Variants in SCP2 observed in about 807,000 individuals in gnomAD.
SCP2 encodes the protein SCP-2/3-oxoacyl-CoA thiolase.
SCP2 carries 48 observed loss-of-function variants against 71.4 expected under a neutral mutation model. The ratio of observed to expected loss-of-function variants is 0.67; its 90% CI spans 0.53 to 0.86. The LOEUF is 0.86. Ranked by LOEUF, SCP2 falls within the 40% of genes least tolerant of loss-of-function variation. SCP2 has a pLI of 0.00. For missense variants in SCP2, 560 were observed against 655.6 expected (o/e 0.85, Z 1.59); for synonymous variants, 220 against 218.1 (o/e 1.01, Z -0.08).
intron 10 of SCP2, among the ~76,000 whole-genome samples, chr1:52,983,540 T>G (rs752891006): frequency 6.6e-6 from 1 of 152,344 alleles, no homozygotes; most frequent in Admixed American, 6.5e-5. Flanking sequence ...CATTTGATAA[T>G]TTATGTTGAT....
At chr1:53,045,805 A>G (rs778608401) in intron 14 of SCP2, among the ~76,000 whole-genome samples, 1 of 152,212 alleles carries the variant, frequency 6.6e-6, no homozygotes, top group South Asian at 2.1e-4. Context: ...CCAGAAATCA[A>G]GATACAGACA....
chr1:52,999,815 G>GTTTTTTTTTTTTTTTTTTTT lies in SCP2; in HGVS notation c.1081+11698_1081+11699insTTTTTTTTTTTTTTTTTTTT, dbSNP rs60893788. Among the ~76,000 whole-genome samples, 4 of 109,420 alleles carry GTTTTTTTTTTTTTTTTTTTT rather than the reference G, an allele frequency of 3.7e-5. 1 individual carries two copies. Among genetic ancestry groups the GTTTTTTTTTTTTTTTTTTTT allele is most frequent in the East Asian group, 6.0e-4 (2 of 3,310 alleles). 71.8% of individuals were successfully genotyped at this position (109,420 alleles called of 152,430 possible). ...ACTATCCAACACTTACTGAACACTT[G>GTTTTTTTTTTTTTTTTTTTT]TTTTTTTTTTTTTTTTTTTGAGACA... On this transcript the variant is annotated intron_variant, in intron 11 of 15. Transcript: ENST00000371514.
At chr1:52,966,694 G>T (rs1161912772) in intron 6 of SCP2, among the ~76,000 whole-genome samples, 1 of 148,584 alleles carries the variant, frequency 6.7e-6, no homozygotes, top group African/African-American at 2.5e-5. Context: ...GACCAGCCTG[G>T]CCAACATGGC....
In SCP2 at chr1:52,988,103, C is replaced by A; in HGVS notation, c.1048C>A (p.Leu350Met). ...GTGGGTCATAAATCCTAGTGGTGGACTGATTTCAAAGGGACACCCACTAGG... is the reference window on the plus strand; with the variant it reads ...GTGGGTCATAAATCCTAGTGGTGGAATGATTTCAAAGGGACACCCACTAGG... ...GKWVINPSGG[L>M]ISKGHPLGAT... The change falls in exon 11 of 16, where the codon CTG becomes ATG. Residue 350 changes from leucine to methionine, a missense_variant. By Grantham distance (15) the Leu-to-Met change is conservative (BLOSUM62 2). This residue lies in a region of SCP2 where 513 missense variants were observed against 573.1 expected (regional missense o/e 0.90). Transcript: ENST00000371514. 1 of 1,600,412 alleles carries A rather than the reference C, an allele frequency of 6.2e-7. No individual in the cohort carries two copies. Among genetic ancestry groups the A allele is most frequent in the Non-Finnish European group, 8.6e-7 (1 of 1,167,810 alleles).
chr1:52,962,520 G>T (rs978518637), intron 6 of SCP2, among the ~76,000 whole-genome samples: 1 of 152,054 alleles, frequency 6.6e-6, no homozygotes, highest in African/African-American at 2.4e-5. Context: ...ATGACATTCA[G>T]ATTGAAACCC....
At chr1:52,959,893 A>ATTT (rs762724510) in intron 5 of SCP2, among the ~76,000 whole-genome samples, 4 of 139,844 alleles carry the variant, frequency 2.9e-5, no homozygotes, top group African/African-American at 5.2e-5. Flanking sequence ...CTGATTTTCA[A>ATTT]TTTTTTTTTT....
chr1:52,960,549 C>T (rs1199358862), intron 5 of SCP2, among the ~76,000 whole-genome samples: 2,208 of 104,104 alleles, frequency 0.021, 45 homozygotes, highest in African/African-American at 0.07. Flanking sequence ...TATGTATATA[C>T]ATGTGTATAT....
intron 13 of SCP2, among the ~76,000 whole-genome samples, chr1:53,033,232 A>T (rs1385100974): frequency 6.6e-6 from 1 of 152,242 alleles, no homozygotes; most frequent in African/African-American, 2.4e-5. Context: ...ATATTTTAGG[A>T]TAAAACAAAA....
intron 11 of SCP2, among the ~76,000 whole-genome samples, chr1:52,998,087 T>C (rs59579878): frequency 0.12 from 18,248 of 152,282 alleles, 1,511 homozygotes; most frequent in East Asian, 0.32. Flanking sequence ...GTAGTTCTTT[T>C]TTATTGCCAA....
chr1:53,004,346 G>T (rs1198191387), intron 11 of SCP2, among the ~76,000 whole-genome samples: 1 of 151,946 alleles, frequency 6.6e-6, no homozygotes, highest in African/African-American at 2.4e-5. Flanking sequence ...ACTTTTTTTT[G>T]AAATATATTT....
rs370191052 is a variant in SCP2 at position 52,966,394 on chromosome 1, AT to A, written c.523+4769del. On this transcript the variant is annotated intron_variant, in intron 6 of 15. Transcript: ENST00000371514. ...CCCCACTTAGATCTATGGCTGGACT[AT>A]TTTAGTAATGGATTCCTAACAGTAA... Among the ~76,000 whole-genome samples the A allele has an allele frequency of 6.6e-4, 100 of 152,002 alleles. No individual in the cohort carries two copies. The East Asian group carries it at 0.018, about 27-fold the overall frequency.
intron 11 of SCP2, among the ~76,000 whole-genome samples, chr1:53,005,104 G>A (rs533812228): frequency 4.7e-4 from 71 of 152,330 alleles, no homozygotes; most frequent in African/African-American, 1.7e-3. Flanking sequence ...TGAGGCTTGA[G>A]TAGGTAAACA....
intron 5 of SCP2, among the ~76,000 whole-genome samples, chr1:52,959,005 G>A (rs966059637): frequency 6.6e-6 from 1 of 152,152 alleles, no homozygotes; most frequent in Non-Finnish European, 1.5e-5. Context: ...GATTACAGGT[G>A]TGAGCCACCA....
At chr1:52,941,695 A>G (rs772946218) in intron 1 of SCP2, 101 bp from the exon 2 acceptor site, 1 of 692,654 alleles carries the variant, frequency 1.4e-6, no homozygotes, top group Non-Finnish European at 2.5e-6. Flanking sequence ...AGATCATGCC[A>G]CTGCACTCCA....
chr1:52,990,890 G>A (rs1005722785), intron 11 of SCP2, among the ~76,000 whole-genome samples: 18 of 152,284 alleles, frequency 1.2e-4, no homozygotes, highest in African/African-American at 4.1e-4. Flanking sequence ...AGAATGAAAA[G>A]TGTCCTTCAG....
intron 12 of SCP2, among the ~76,000 whole-genome samples, chr1:53,025,393 C>T (rs1662050738): frequency 6.6e-6 from 1 of 152,208 alleles, no homozygotes; most frequent in Non-Finnish European, 1.5e-5. Flanking sequence ...GATGATTTCT[C>T]CATTTTATCT....
At chr1:52,995,618 C>A in intron 11 of SCP2, 1 of 574,724 alleles carries the variant, frequency 1.7e-6, no homozygotes, top group South Asian at 1.7e-5. Context: ...TAATGAGACC[C>A]CTGCCACAGC....
In SCP2 at chr1:52,984,941, G is replaced by A. The variant is rs527993780; in HGVS notation, c.974-3088G>A. 2.6e-5 allele frequency among the ~76,000 whole-genome samples: 4 copies of A among 151,596 alleles called. No homozygotes were observed. The South Asian group carries it at 8.4e-4, about 32-fold the overall frequency. On this transcript the variant is annotated intron_variant, in intron 10 of 15. Coordinates refer to ENST00000371514, the MANE Select transcript of SCP2 (RefSeq NM_002979.5). The stretch of plus-strand genomic sequence containing the variant: ...TGCAACCTCCCCTTCTCAGGTTCAG[G>A]CGATTCTCCTGCCTCAGCCTCCCGA...
At chr1:52,954,334 C>CA (rs1305312018) in intron 4 of SCP2, among the ~76,000 whole-genome samples, 1 of 143,786 alleles carries the variant, frequency 7.0e-6, no homozygotes, top group Admixed American at 6.8e-5. Flanking sequence ...AGCAAACAAA[C>CA]AACAACAACA....
Sources: gnomAD v4.1 joint callset for allele counts (sites outside exome capture counted in the v4.1 genomes callset) on GRCh38, gnomAD v4.1.1 for gene constraint, gnomAD v4.1.1 regional missense constraint, MANE v1.5 for transcripts, NCBI Gene and HGNC (gene_info 2026-07-23, HGNC 2026-07-21) for gene names.